The following ROBO2 variants were observed in gnomAD, a reference collection of about 807,000 sequenced individuals.
ROBO2 encodes roundabout homolog 2.
ROBO2 carries 53 observed loss-of-function variants against 160.8 expected under a neutral mutation model. That is an observed-to-expected ratio of 0.33 (90% CI 0.26 to 0.41). The LOEUF is 0.41. Ranked by LOEUF, ROBO2 falls within the 10% of genes least tolerant of loss-of-function variation. The pLI, the probability that ROBO2 is intolerant of heterozygous loss-of-function variation, is 1.00. For synonymous variants in ROBO2, 664 were observed against 611.7 expected, an observed-to-expected ratio of 1.09 and a Z score of -1.26; for missense variants, 1,577 against 1,722.4, an observed-to-expected ratio of 0.92 and a Z score of 1.49.
At chr3:77,569,058 T>C (rs967383695) in intron 13 of ROBO2, among the ~76,000 whole-genome samples, 5 of 152,058 alleles carry the variant, frequency 3.3e-5, no homozygotes, top group South Asian at 2.1e-4. Flanking sequence ...CCTTCTTCAG[T>C]TGATGGATGT....
chr3:76,742,416 T>C (rs1576359590), intron 2 of ROBO2, among the ~76,000 whole-genome samples: 1 of 152,250 alleles, frequency 6.6e-6, no homozygotes, highest in East Asian at 1.9e-4. Flanking sequence ...CATTTGAAAC[T>C]GCAGAGCAAG....
intron 2 of ROBO2, among the ~76,000 whole-genome samples, chr3:76,215,188 T>C (rs1703423300): frequency 6.6e-6 from 1 of 151,676 alleles, no homozygotes; most frequent in African/African-American, 2.4e-5. Context: ...AGACCAAAGG[T>C]AGATAAAGCC....
At chr3:76,809,836 A>T (rs2065022909) in intron 2 of ROBO2, among the ~76,000 whole-genome samples, 1 of 152,140 alleles carries the variant, frequency 6.6e-6, no homozygotes, top group African/African-American at 2.4e-5. Context: ...GAAATTTCTC[A>T]ATTAAGGAAA....
intron 5 of ROBO2, among the ~76,000 whole-genome samples, chr3:77,519,588 T>G (rs1416545936): frequency 6.6e-6 from 1 of 151,422 alleles, no homozygotes; most frequent in Non-Finnish European, 1.5e-5. Flanking sequence ...CACCTTCCAC[T>G]TATAAGTGAG....
intron 14 of ROBO2, among the ~76,000 whole-genome samples, chr3:77,575,242 T>C (rs941017239): frequency 2.6e-5 from 4 of 152,136 alleles, no homozygotes; most frequent in African/African-American, 9.7e-5. Context: ...ACTTTGGACC[T>C]TTTCTTACCT....
chr3:76,481,079 T>C (rs576841430), intron 2 of ROBO2, among the ~76,000 whole-genome samples: 2 of 152,292 alleles, frequency 1.3e-5, no homozygotes, highest in East Asian at 3.9e-4. Flanking sequence ...TACCCAGTGA[T>C]AGGAGATATG....
chr3:76,487,136 A>G (rs2079539929), intron 2 of ROBO2, among the ~76,000 whole-genome samples: 1 of 144,762 alleles, frequency 6.9e-6, no homozygotes, highest in South Asian at 2.3e-4. Flanking sequence ...TACCTGGCTA[A>G]TTTTTTAATT....
At chr3:76,242,928 C>G (rs1433595792) in intron 2 of ROBO2, among the ~76,000 whole-genome samples, 1 of 129,028 alleles carries the variant, frequency 7.8e-6, no homozygotes, top group Non-Finnish European at 1.9e-5. Context: ...ACTGAATGAA[C>G]AAAACAAACA....
At chr3:77,376,420 A>T (rs1176765472) in intron 2 of ROBO2, among the ~76,000 whole-genome samples, 1 of 151,940 alleles carries the variant, frequency 6.6e-6, no homozygotes, top group African/African-American at 2.4e-5. Context: ...AGCCTCCCAA[A>T]GTGCTGTGAT....
intron 2 of ROBO2, among the ~76,000 whole-genome samples, chr3:77,293,028 TA>T (rs2061506761): frequency 6.7e-6 from 1 of 148,436 alleles, no homozygotes; most frequent in African/African-American, 2.5e-5. Flanking sequence ...ACCAAAGACA[TA>T]AAGTAAAATT....
At position 77,297,150 on chromosome 3, in the gene ROBO2, G is replaced by A. The variant is rs74506188; in HGVS notation, c.389-180264G>A. On this transcript the variant is annotated intron_variant, in intron 2 of 25. Coordinates refer to ENST00000461745, the Ensembl canonical transcript of ROBO2. ...AATTCTGGGTCTTCCAGCCACCACA[G>A]GTGGATCTGAGATGAGTTGTACTGC... Among the ~76,000 whole-genome samples the A allele has an allele frequency of 2.1e-3, 321 of 152,198 alleles. 2 individuals carry two copies. The highest frequency in any genetic ancestry group is 7.4e-3 in the African/African-American group (307 of 41,536).
At chr3:76,251,971 T>C (rs1430864918) in intron 2 of ROBO2, among the ~76,000 whole-genome samples, 2 of 151,962 alleles carry the variant, frequency 1.3e-5, no homozygotes, top group African/African-American at 2.4e-5. Context: ...AAAACAATGA[T>C]ATGTTGTTGC....
intron 5 of ROBO2, among the ~76,000 whole-genome samples, chr3:77,515,471 C>G (rs1362237748): frequency 6.6e-6 from 1 of 151,576 alleles, no homozygotes; most frequent in African/African-American, 2.4e-5. Context: ...ATTACTAGGC[C>G]AACACGCACA....
At chr3:76,726,076 C>T (rs905006276) in intron 2 of ROBO2, among the ~76,000 whole-genome samples, 1 of 152,158 alleles carries the variant, frequency 6.6e-6, no homozygotes, top group African/African-American at 2.4e-5. Flanking sequence ...CACGCGCATA[C>T]ATCAGTCTGT....
In ROBO2 at chr3:76,062,800, C is replaced by T. The variant is rs549667271; in HGVS notation, c.109+125198C>T. On this transcript the variant is annotated intron_variant, in intron 2 of 26. Coordinates refer to the ROBO2 transcript ENST00000487694. ...ATCATAGCTTTGCTTTGTTTTTCCC[C>T]CAGATAATGCCTTCTAGACCACGAA... 5.9e-5 allele frequency among the ~76,000 whole-genome samples: 9 copies of T among 152,222 alleles called. No individual in the cohort carries two copies. The South Asian group carries it at 1.9e-3, about 32-fold the overall frequency.
chr3:76,989,775 A>G (rs1175917276), intron 2 of ROBO2, among the ~76,000 whole-genome samples: 1 of 152,184 alleles, frequency 6.6e-6, no homozygotes, highest in Non-Finnish European at 1.5e-5. Context: ...GATATTTGGG[A>G]CAAAGCAGTT....
At chr3:76,187,814 A>G (rs1429239637) in intron 2 of ROBO2, among the ~76,000 whole-genome samples, 1 of 152,074 alleles carries the variant, frequency 6.6e-6, no homozygotes, top group Non-Finnish European at 1.5e-5. Flanking sequence ...TCCATATAGA[A>G]GCAAAAAGTG....
chr3:77,281,148 G>T (rs2060211078), intron 2 of ROBO2, among the ~76,000 whole-genome samples: 2 of 152,262 alleles, frequency 1.3e-5, no homozygotes, highest in Admixed American at 6.5e-5. Flanking sequence ...GTCATTCAAA[G>T]GTTGTATAAT....
chr3:76,567,620 G>T (rs866442009), intron 2 of ROBO2, among the ~76,000 whole-genome samples: 17 of 33,290 alleles, frequency 5.1e-4, no homozygotes, highest in Non-Finnish European at 8.1e-4. Flanking sequence ...CCAAACTACT[G>T]ATATATATAT....
Sources: gnomAD v4.1 joint callset for allele counts (sites outside exome capture counted in the v4.1 genomes callset) on GRCh38, gnomAD v4.1.1 for gene constraint, MANE v1.5 for transcripts, NCBI Gene and HGNC (gene_info 2026-07-23, HGNC 2026-07-21) for gene names.